Variants in MDGA2 observed in about 807,000 individuals in gnomAD.
MDGA2 encodes the protein MAM domain containing glycosylphosphatidylinositol anchor 2.
Under a neutral mutation model 117.8 loss-of-function variants are expected in MDGA2, and 40 were observed. The ratio of observed to expected loss-of-function variants is 0.34; its 90% CI spans 0.26 to 0.44. The LOEUF (loss-of-function observed/expected upper bound fraction) is 0.44, where lower values mean the gene tolerates loss of function less well. Among genes scored for constraint, MDGA2 ranks in the 20% least tolerant of loss-of-function variants. The pLI is 1.00. For missense variants in MDGA2, 1,123 were observed against 1,250.6 expected (o/e 0.90, Z 1.54); for synonymous variants, 452 against 439.0 (o/e 1.03, Z -0.37).
intron 8 of MDGA2, among the ~76,000 whole-genome samples, chr14:46,976,461 C>T (rs560235368): frequency 1.3e-5 from 2 of 151,984 alleles, no homozygotes; most frequent in African/African-American, 2.4e-5. Flanking sequence ...ACTTGTGAAT[C>T]AGGAAATAAG....
chr14:47,015,243 T>C (rs918917729), intron 8 of MDGA2, among the ~76,000 whole-genome samples: 1 of 150,596 alleles, frequency 6.6e-6, no homozygotes, highest in Non-Finnish European at 1.5e-5. Context: ...ATTACAGATA[T>C]AATAATAATA....
chr14:47,418,232 C>A (rs553077881), intron 1 of MDGA2, among the ~76,000 whole-genome samples: 1 of 151,984 alleles, frequency 6.6e-6, no homozygotes, highest in South Asian at 2.1e-4. Context: ...ATTACAGGTG[C>A]GTGCCACCAC....
intron 8 of MDGA2, among the ~76,000 whole-genome samples, chr14:47,011,870 C>T (rs987202442): frequency 6.6e-6 from 1 of 151,912 alleles, no homozygotes. Context: ...ATAATGAAAT[C>T]GTATACATTT....
intron 1 of MDGA2, among the ~76,000 whole-genome samples, chr14:47,350,084 G>T (rs1890846146): frequency 6.6e-6 from 1 of 152,160 alleles, no homozygotes; most frequent in African/African-American, 2.4e-5. Flanking sequence ...ATATTGCTTG[G>T]AATTCGATTC....
At chr14:47,225,416 G>A (rs1886450940) in intron 2 of MDGA2, among the ~76,000 whole-genome samples, 1 of 151,936 alleles carries the variant, frequency 6.6e-6, no homozygotes, top group Admixed American at 6.6e-5. Context: ...CAACCCAAAT[G>A]TCCAACAATG....
intron 1 of MDGA2, among the ~76,000 whole-genome samples, chr14:47,471,985 G>A (rs1041602563): frequency 1.3e-5 from 2 of 152,090 alleles, no homozygotes; most frequent in Non-Finnish European, 2.9e-5. Flanking sequence ...TCAAGGCAAT[G>A]TAATACAGTG....
At chr14:47,332,433 G>A (rs1890319091) in intron 1 of MDGA2, among the ~76,000 whole-genome samples, 1 of 151,854 alleles carries the variant, frequency 6.6e-6, no homozygotes, top group Admixed American at 6.6e-5. Flanking sequence ...CAGCCAATTT[G>A]AGTTAATACA....
chr14:47,206,271 A>T (rs1885678916), intron 3 of MDGA2, among the ~76,000 whole-genome samples: 1 of 152,016 alleles, frequency 6.6e-6, no homozygotes, highest in Non-Finnish European at 1.5e-5. Context: ...ATCATTGAGA[A>T]TGAGTTATCA....
rs1480594971 is a variant in MDGA2, at chr14:46,884,756, G to A, written c.2239-2535C>T. ...TTATACATAAAATTCAGTCTCAGGA[G>A]TATTAAACAATTAAATTTAAAACAT... On this transcript the variant is annotated intron_variant, in intron 10 of 16. Coordinates refer to ENST00000399232, the MANE Select transcript of MDGA2 (RefSeq NM_001113498.3). This position sits in a 1 kb window ranked among gnomAD's most constrained non-coding sequence, Gnocchi z 4.1. Among the ~76,000 whole-genome samples, 1 of 151,934 alleles carries A rather than the reference G, an allele frequency of 6.6e-6. No individual in the cohort carries two copies. Among genetic ancestry groups the A allele is most frequent in the Admixed American group, 6.6e-5 (1 of 15,236 alleles).
intron 9 of MDGA2, among the ~76,000 whole-genome samples, chr14:46,940,405 G>C (rs1884952685): frequency 6.6e-6 from 1 of 151,974 alleles, no homozygotes; most frequent in South Asian, 2.1e-4. Flanking sequence ...GAGGAGGGTG[G>C]ATCACCTGAG....
At chr14:47,095,996 G>T (rs1336481820) in intron 6 of MDGA2, among the ~76,000 whole-genome samples, 1 of 151,930 alleles carries the variant, frequency 6.6e-6, no homozygotes, top group Non-Finnish European at 1.5e-5. Flanking sequence ...AGTGAGATAT[G>T]AAGAAGCATA....
chr14:47,360,024 T>A (rs1891081988), intron 1 of MDGA2, among the ~76,000 whole-genome samples: 1 of 151,832 alleles, frequency 6.6e-6, no homozygotes, highest in Non-Finnish European at 1.5e-5. Flanking sequence ...CACAACTCAG[T>A]AGAAAAAAAT....
chr14:47,401,044 A>G (rs1892136332), intron 1 of MDGA2, among the ~76,000 whole-genome samples: 1 of 151,374 alleles, frequency 6.6e-6, no homozygotes, highest in Admixed American at 6.6e-5. Flanking sequence ...GGCGTGAGCC[A>G]CCGTGCCCGG....
At chr14:47,009,966 C>T (rs551165897) in intron 8 of MDGA2, among the ~76,000 whole-genome samples, 1 of 152,002 alleles carries the variant, frequency 6.6e-6, no homozygotes, top group African/African-American at 2.4e-5. Context: ...TCCCTTACCC[C>T]CCTTTCCCAA....
chr14:47,156,671 T>A (rs765736666), intron 3 of MDGA2, among the ~76,000 whole-genome samples: 24 of 152,200 alleles, frequency 1.6e-4, no homozygotes, highest in Non-Finnish European at 2.8e-4. Flanking sequence ...AATCTTTGAA[T>A]TAAACCAAAT....
chr14:47,105,098 C>T (rs1006168907), intron 5 of MDGA2, among the ~76,000 whole-genome samples: 10 of 41,278 alleles, frequency 2.4e-4, no homozygotes, highest in Non-Finnish European at 3.9e-4. Context: ...GGTGTCAGAC[C>T]ACGCAGGGAC....
chr14:47,303,005 A>T (rs909630481), intron 1 of MDGA2, among the ~76,000 whole-genome samples: 2 of 152,142 alleles, frequency 1.3e-5, no homozygotes, highest in Non-Finnish European at 2.9e-5. Context: ...AATGATGGGT[A>T]AAAGTTTCCA....
At chr14:47,165,657 C>T (rs1393181250) in intron 3 of MDGA2, among the ~76,000 whole-genome samples, 3 of 152,290 alleles carry the variant, frequency 2.0e-5, no homozygotes, top group Non-Finnish European at 4.4e-5. Flanking sequence ...TTATATAAAT[C>T]AAAGTGGAAG....
intron 1 of MDGA2, among the ~76,000 whole-genome samples, chr14:47,581,089 C>T (rs556576241): frequency 1.3e-5 from 2 of 151,944 alleles, no homozygotes; most frequent in Non-Finnish European, 2.9e-5. Flanking sequence ...AAGCTTTTAT[C>T]CCTTCATCCA....
Sources: allele counts gnomAD v4.1 joint callset (sites outside exome capture counted in the v4.1 genomes callset), GRCh38; gene constraint gnomAD v4.1.1; non-coding constraint Gnocchi (gnomAD v3.1); transcripts MANE v1.5; gene names NCBI Gene and HGNC (gene_info 2026-07-23, HGNC 2026-07-21).